Variants in GSE1 observed in about 807,000 individuals in gnomAD.
GSE1 encodes the protein genetic suppressor element 1.
In GSE1, 32 loss-of-function variants were observed where a neutral mutation model predicts 112.6. That is an observed-to-expected ratio of 0.28 (90% CI 0.21 to 0.38). The LOEUF is 0.38. Among genes scored for constraint, GSE1 ranks in the 10% least tolerant of loss-of-function variants. The pLI, the probability that GSE1 is intolerant of heterozygous loss-of-function variation, is 1.00. For synonymous variants in GSE1, 1,115 were observed against 735.6 expected (o/e 1.52, Z -8.35); for missense variants, 2,348 against 1,699.2 (o/e 1.38, Z -6.71).
chr16:85,548,043 T>C (rs2044762913), intron 2 of GSE1, among the ~76,000 whole-genome samples: 1 of 151,634 alleles, frequency 6.6e-6, no homozygotes, highest in Admixed American at 6.6e-5. Context: ...CTGGCCAACA[T>C]GGTGAAACGC....
intron 2 of GSE1, among the ~76,000 whole-genome samples, chr16:85,367,822 A>G (rs1427716579): frequency 1.3e-5 from 2 of 151,308 alleles, no homozygotes; most frequent in Non-Finnish European, 2.9e-5. Context: ...GGGGAGGGCA[A>G]ATGTAAAGAG....
At chr16:85,455,136 C>A (rs2049791350) in intron 2 of GSE1, among the ~76,000 whole-genome samples, 1 of 152,242 alleles carries the variant, frequency 6.6e-6, no homozygotes, top group Non-Finnish European at 1.5e-5. Context: ...GCAATAAACA[C>A]CTGCAGATTG....
In GSE1 at chr16:85,661,455, G is replaced by A. The variant is rs749823879; in HGVS notation, c.1950G>A (p.Gln650=). 1 of 1,611,504 alleles carries A rather than the reference G, an allele frequency of 6.2e-7. No individual in the cohort carries two copies. The highest frequency in any genetic ancestry group is 8.5e-7 in the Non-Finnish European group (1 of 1,179,348). The change falls in exon 9 of 16, where the codon CAG becomes CAA. Residue 650 remains glutamine (Q), a synonymous_variant. Coordinates refer to ENST00000253458, the MANE Select transcript of GSE1 (RefSeq NM_014615.5). ...AGCCTGCCCCTCTGGACAAGTACCA[G>A]CCACCTCCGCCGCCACCACGAGAGG... ...KREPAPLDKY[Q]PPPPPPREGG...
At chr16:85,357,758 A>G in intron 2 of GSE1, 1 of 552,076 alleles carries the variant, frequency 1.8e-6, no homozygotes, top group Non-Finnish European at 2.9e-6. Context: ...TGTCCTCGGC[A>G]TCCTAGGGGA....
intron 1 of GSE1, chr16:85,185,180 G>A (rs987589333): frequency 6.6e-6 from 1 of 152,160 alleles, no homozygotes; most frequent in African/African-American, 2.4e-5. Flanking sequence ...TCTTTGTCTT[G>A]GCACCTCTTT....
upstream of GSE1, among the ~76,000 whole-genome samples, chr16:85,606,859 A>T (rs961887678): frequency 2.6e-5 from 4 of 152,164 alleles, no homozygotes; most frequent in Non-Finnish European, 5.9e-5. Flanking sequence ...AACTCCCAGG[A>T]TTCTCTGCCC....
At chr16:85,188,276 C>G (rs1214159226) in intron 1 of GSE1, among the ~76,000 whole-genome samples, 2 of 151,820 alleles carry the variant, frequency 1.3e-5, no homozygotes, top group African/African-American at 4.8e-5. Context: ...GACCGTCTGT[C>G]TGCGGGCCCT....
intron 1 of GSE1, among the ~76,000 whole-genome samples, chr16:85,280,841 G>C (rs1463018532): frequency 6.6e-6 from 1 of 152,194 alleles, no homozygotes; most frequent in Non-Finnish European, 1.5e-5. Flanking sequence ...TACTGTGTCT[G>C]ATTTCTTAGA....
At chr16:85,336,059 G>A (rs1030917323) in intron 1 of GSE1, among the ~76,000 whole-genome samples, 5 of 152,166 alleles carry the variant, frequency 3.3e-5, no homozygotes, top group African/African-American at 1.2e-4. Flanking sequence ...AGATATGGAG[G>A]AACAGGGCGT....
At position 85,628,378 on chromosome 16, in the gene GSE1, C is replaced by T. The variant is rs532587749; in HGVS notation, c.8-5536C>T. ...CCCCCAGGGACCCAGGGAGACTGTA[C>T]CTGGGGCTGGAGGGGGCCCATGGGG... On this transcript the variant is annotated intron_variant, in intron 1 of 15. Transcript: ENST00000253458. Among the ~76,000 whole-genome samples the T allele has an allele frequency of 9.8e-5, 15 of 152,322 alleles. No homozygotes were observed. The South Asian group carries it at 2.7e-3, about 27-fold the overall frequency.
rs1412442661 is a variant in GSE1 at position 85,661,607 on chromosome 16, A to C, written c.2102A>C (p.Glu701Ala). The change falls in exon 9 of 16, where the codon GAG (glutamate) becomes GCG (alanine). Residue 701 changes from glutamate to alanine, a missense_variant. Transcript: ENST00000253458. The part of the protein sequence containing the change: ...ASLPQAATFG[E>A]LSGPLKPGSP... ...CTCCCACAGGCGGCCACCTTCGGGGAGCTCAGCGGACCCCTGAAGCCTGGC... is the reference window on the plus strand; with the variant it reads ...CTCCCACAGGCGGCCACCTTCGGGGCGCTCAGCGGACCCCTGAAGCCTGGC... 1 of 1,610,450 alleles carries C rather than the reference A, an allele frequency of 6.2e-7. No individual in the cohort carries two copies. Among genetic ancestry groups the C allele is most frequent in the African/African-American group, 1.3e-5 (1 of 74,868 alleles).
At chr16:85,418,574 G>A (rs1486820508) in intron 2 of GSE1, among the ~76,000 whole-genome samples, 1 of 152,208 alleles carries the variant, frequency 6.6e-6, no homozygotes, top group East Asian at 1.9e-4. Flanking sequence ...CCCCTCCCAG[G>A]AGCCAGACCC....
chr16:85,269,101 T>C (rs8058443), intron 1 of GSE1, among the ~76,000 whole-genome samples: 75,245 of 148,488 alleles, frequency 0.51, 22,631 homozygotes, highest in African/African-American at 0.66. Context: ...CGAGCATCAA[T>C]GCCATTCAGA....
chr16:85,351,327 A>G (rs2046846539), intron 1 of GSE1, among the ~76,000 whole-genome samples: 1 of 152,218 alleles, frequency 6.6e-6, no homozygotes, highest in Non-Finnish European at 1.5e-5. Context: ...TTTATTGTTC[A>G]AAATACTGGG....
chr16:85,531,563 C>T (rs1263915940), intron 2 of GSE1, among the ~76,000 whole-genome samples: 2 of 152,206 alleles, frequency 1.3e-5, no homozygotes, highest in African/African-American at 4.8e-5. Context: ...AGGATGGCCC[C>T]GCTGGCACCT....
At chr16:85,568,889 A>G (rs1325728976) in intron 1 of GSE1, among the ~76,000 whole-genome samples, 2 of 152,232 alleles carry the variant, frequency 1.3e-5, no homozygotes, top group African/African-American at 4.8e-5. Flanking sequence ...ACGTCTGTGC[A>G]GAAGGAGCCG....
intron 1 of GSE1, among the ~76,000 whole-genome samples, chr16:85,236,466 G>A (rs1202664283): frequency 2.0e-5 from 3 of 152,222 alleles, no homozygotes; most frequent in East Asian, 1.9e-4. Context: ...AGGAATGAGC[G>A]GAGGCAAGCA....
At chr16:85,178,873 G>C (rs1470461345) in intron 1 of GSE1, among the ~76,000 whole-genome samples, 4 of 150,802 alleles carry the variant, frequency 2.7e-5, no homozygotes, top group Admixed American at 6.6e-5. Flanking sequence ...AGGGAGGTGC[G>C]GGGGGTGGGC....
intron 2 of GSE1, among the ~76,000 whole-genome samples, chr16:85,480,336 C>T (rs2050631977): frequency 1.3e-5 from 2 of 152,178 alleles, no homozygotes; most frequent in Non-Finnish European, 2.9e-5. Context: ...TTTTCCTGGG[C>T]GACGTCTTCT....
Sources: gnomAD v4.1 joint callset for allele counts (sites outside exome capture counted in the v4.1 genomes callset) on GRCh38, gnomAD v4.1.1 for gene constraint, MANE v1.5 for transcripts, NCBI Gene and HGNC (gene_info 2026-07-23, HGNC 2026-07-21) for gene names.